The following NAV3 variants were observed in gnomAD, a reference collection of about 807,000 sequenced individuals.
NAV3 encodes pore membrane and/or filament interacting like protein 1.
In NAV3, 87 loss-of-function variants were observed where a neutral mutation model predicts 244.7. The observed-to-expected ratio is 0.36, with a 90% CI of 0.30 to 0.42. NAV3 has a LOEUF of 0.42. Ranked by LOEUF, NAV3 falls within the 20% of genes least tolerant of loss-of-function variation. The pLI, the probability that NAV3 is intolerant of heterozygous loss-of-function variation, is 1.00. For missense variants in NAV3, 2,663 were observed against 2,893.3 expected, an observed-to-expected ratio of 0.92 and a Z score of 1.83; for synonymous variants, 1,126 against 1,042.2, an observed-to-expected ratio of 1.08 and a Z score of -1.55.
chr12:77,644,530 T>C (rs907341534), intron 2 of NAV3, among the ~76,000 whole-genome samples: 2 of 152,174 alleles, frequency 1.3e-5, no homozygotes, highest in Non-Finnish European at 2.9e-5. Flanking sequence ...CTCAAAAATA[T>C]ATATGTACAT....
At chr12:78,185,497 A>C (rs1406886434) in intron 30 of NAV3, 104 bp from the exon 31 acceptor site, 17 of 954,908 alleles carry the variant, frequency 1.8e-5, no homozygotes, top group Non-Finnish European at 2.4e-5. Flanking sequence ...TGGGAAGCAA[A>C]TCCCATTGAA....
intron 3 of NAV3, among the ~76,000 whole-genome samples, chr12:77,965,299 C>T (rs1277607063): frequency 6.6e-6 from 1 of 152,024 alleles, no homozygotes; most frequent in Non-Finnish European, 1.5e-5. Context: ...TGAATATAAA[C>T]TGGTAATCAT....
chr12:77,755,615 T>C (rs184398798), intron 2 of NAV3, among the ~76,000 whole-genome samples: 2,195 of 33,296 alleles, frequency 0.066, 386 homozygotes, highest in African/African-American at 0.2. Flanking sequence ...CCCTCCCTCC[T>C]TCCTTCCTTC....
chr12:77,652,134 A>G (rs181107663), intron 2 of NAV3, among the ~76,000 whole-genome samples: 16 of 152,318 alleles, frequency 1.1e-4, no homozygotes, highest in African/African-American at 3.6e-4. Context: ...ATAGGTTGCT[A>G]ACAGCAGTGA....
intron 8 of NAV3, among the ~76,000 whole-genome samples, chr12:78,011,804 A>C (rs981474583): frequency 2.6e-5 from 4 of 152,178 alleles, no homozygotes; most frequent in Non-Finnish European, 4.4e-5. Context: ...TAATTGGCTC[A>C]CAGTTTTGCA....
intron 18 of NAV3, chr12:78,130,695 G>A (rs1321190010): frequency 6.6e-6 from 1 of 152,624 alleles, no homozygotes; most frequent in African/African-American, 2.4e-5. Flanking sequence ...CGTAGAGGGA[G>A]ATGCCCAGCT....
At chr12:78,198,740 G>A (rs1959266607) in intron 36 of NAV3, 64 bp downstream of exon 36, 3 of 858,172 alleles carry the variant, frequency 3.5e-6, no homozygotes, top group Non-Finnish European at 5.6e-6. Flanking sequence ...GGGCAGGGGA[G>A]GGGGTTGGCA....
At chr12:78,016,707 G>C (rs1367871640) in intron 8 of NAV3, among the ~76,000 whole-genome samples, 4 of 152,124 alleles carry the variant, frequency 2.6e-5, no homozygotes. Flanking sequence ...AGTTCTACTT[G>C]TGTCTACATT....
chr12:77,843,519 T>C (rs10859483), intron 1 of NAV3, among the ~76,000 whole-genome samples: 15,459 of 151,216 alleles, frequency 0.1, 1,019 homozygotes, highest in South Asian at 0.26. Context: ...AATATTAAAT[T>C]CCTATTTTTT....
chr12:78,007,285 T>G lies in NAV3; in HGVS notation c.1747T>G (p.Leu583Val), dbSNP rs575710290. 105 of 1,614,066 alleles carry G rather than the reference T, an allele frequency of 6.5e-5. No homozygotes were observed. The highest frequency in any genetic ancestry group is 8.3e-5 in the Non-Finnish European group (98 of 1,180,042). Reference sequence around the variant, plus strand: ...AAGTGCTTCTAGTTGTCCTGCCCCTTTGGAAGGAAGGGAAGCTGGCCAAGC... The same window carrying G: ...AAGTGCTTCTAGTTGTCCTGCCCCTGTGGAAGGAAGGGAAGCTGGCCAAGC... ...KASASSCPAP[L>V]EGREAGQASP... is the part of the protein sequence containing the mutation. The change falls in exon 8 of 40, where the codon TTG (leucine) becomes GTG (valine). Residue 583 changes from leucine (L) to valine (V), a missense_variant. By Grantham distance (32) the Leu-to-Val change is conservative (BLOSUM62 1). Around this residue, in one of 6 missense-constraint regions of NAV3, gnomAD observed 1,521 missense variants for 1,497.0 expected, o/e 1.02. Transcript: ENST00000397909.
intron 35 of NAV3, 76 bp from the exon 36 acceptor site, chr12:78,198,529 G>C: frequency 1.1e-6 from 1 of 877,522 alleles, no homozygotes; most frequent in Non-Finnish European, 1.8e-6. Context: ...TATCCTAGTA[G>C]TTTTCCAAGA....
chr12:77,930,253 A>G (rs889689064), intron 1 of NAV3, among the ~76,000 whole-genome samples: 5 of 152,088 alleles, frequency 3.3e-5, no homozygotes, highest in East Asian at 1.9e-4. Flanking sequence ...TACTTACACT[A>G]TAATTTTCAG....
At chr12:77,647,478 T>G (rs1165388202) in intron 2 of NAV3, among the ~76,000 whole-genome samples, 1 of 152,038 alleles carries the variant, frequency 6.6e-6, no homozygotes, top group Non-Finnish European at 1.5e-5. Context: ...TTTTTGTTTT[T>G]TTTTGCCCAA....
chr12:77,796,262 A>G (rs79384692), intron 2 of NAV3, among the ~76,000 whole-genome samples: 2,935 of 152,278 alleles, frequency 0.019, 99 homozygotes, highest in African/African-American at 0.066. Flanking sequence ...TTCAATCCTT[A>G]CAGATGACTT....
At chr12:77,971,404 G>C (rs1219844910) in intron 5 of NAV3, among the ~76,000 whole-genome samples, 2 of 151,900 alleles carry the variant, frequency 1.3e-5, no homozygotes, top group African/African-American at 2.4e-5. Context: ...ACTTCCATTA[G>C]TCTTACTTTT....
intron 2 of NAV3, among the ~76,000 whole-genome samples, chr12:77,581,512 T>C (rs1227167737): frequency 1.3e-5 from 2 of 152,164 alleles, no homozygotes; most frequent in Non-Finnish European, 2.9e-5. Context: ...TTCTTATGTG[T>C]ATATTTGTAT....
At chr12:77,659,541 A>T (rs933849195) in intron 2 of NAV3, among the ~76,000 whole-genome samples, 1 of 152,184 alleles carries the variant, frequency 6.6e-6, no homozygotes, top group African/African-American at 2.4e-5. Context: ...CCATTGTGGA[A>T]GTCAGTGTGG....
At chr12:77,610,587 C>T (rs1054643532) in intron 2 of NAV3, among the ~76,000 whole-genome samples, 10 of 152,122 alleles carry the variant, frequency 6.6e-5, no homozygotes, top group South Asian at 6.2e-4. Context: ...CACAGATAGA[C>T]GTGGTCACAG....
rs71088358 is a variant in NAV3 at position 78,092,491 on chromosome 12, CTTTTTTTTTTTTT to C, written c.2637-24267_2637-24255del. Among the ~76,000 whole-genome samples, 6 of 64,008 alleles carry C rather than the reference CTTTTTTTTTTTTT, an allele frequency of 9.4e-5. No individual in the cohort carries two copies. In the Admixed American group the frequency reaches 1.1e-3, roughly 12 times the overall value. The allele number at this position is 64,008 out of a possible 152,430, so 42.0% of individuals were successfully genotyped here. A position where few individuals can be genotyped will look rare whatever the true frequency, so the allele number is the denominator to read the frequency against. ...ACCCTTTGAAAGCGTTAGTTATTTT[CTTTTTTTTTTTTT>C]TTTTTTTTTTTTTGAGATGGAGTCT... is the stretch of plus-strand genomic sequence containing the variant. On this transcript the variant is annotated intron_variant, in intron 12 of 39. Transcript: ENST00000397909.
Sources: allele counts gnomAD v4.1 joint callset (sites outside exome capture counted in the v4.1 genomes callset), GRCh38; gene constraint gnomAD v4.1.1; regional missense constraint gnomAD v4.1.1; transcripts MANE v1.5; gene names NCBI Gene and HGNC (gene_info 2026-07-23, HGNC 2026-07-21).